IRAG1: variants seen among roughly 807,000 people sequenced by gnomAD.
IRAG1 encodes the protein inositol 1,4,5-triphosphate receptor associated 1, also known as IP3R-associated cGMP kinase substrate.
IRAG1 carries 62 observed loss-of-function variants against 106.2 expected under a neutral mutation model. That is an observed-to-expected ratio of 0.58 (90% confidence interval 0.48 to 0.72). The LOEUF is 0.72. Among genes scored for constraint, IRAG1 ranks in the 30% least tolerant of loss-of-function variants. IRAG1 has a pLI of 0.00. For missense variants in IRAG1, 1,064 were observed against 1,140.7 expected (o/e 0.93, Z 0.97); for synonymous variants, 462 against 443.9 (o/e 1.04, Z -0.51).
intron 1 of IRAG1, among the ~76,000 whole-genome samples, chr11:10,691,633 G>A (rs1353065451): frequency 6.6e-6 from 1 of 152,090 alleles, no homozygotes; most frequent in African/African-American, 2.4e-5. Flanking sequence ...GAGCTTGGAC[G>A]AGTCATTTAA....
At chr11:10,623,991 C>T in intron 9 of IRAG1, 135 bp from the exon 10 acceptor site, 1 of 749,844 alleles carries the variant, frequency 1.3e-6, no homozygotes, top group South Asian at 1.6e-5. Context: ...GGTGGGCAGG[C>T]ATGGCATGGT....
At chr11:10,606,665 G>C (rs1357159964) in intron 12 of IRAG1, 77 bp downstream of exon 12, 6 of 1,427,440 alleles carry the variant, frequency 4.2e-6, no homozygotes, top group Admixed American at 4.4e-5. Flanking sequence ...CAGAGCTAGA[G>C]TCTGGAGGAA....
At chr11:10,631,323 T>A (rs1046846558) in intron 4 of IRAG1, among the ~76,000 whole-genome samples, 7 of 152,174 alleles carry the variant, frequency 4.6e-5, no homozygotes, top group African/African-American at 1.7e-4. Context: ...TTCAGTGTGT[T>A]TCCTATTCCC....
chr11:10,644,740 A>G (rs1166634244), intron 2 of IRAG1, among the ~76,000 whole-genome samples: 1 of 152,156 alleles, frequency 6.6e-6, no homozygotes, highest in African/African-American at 2.4e-5. Context: ...TACATGCTTT[A>G]TCTGGTTCCT....
chr11:10,627,186 T>C (rs1856308729), intron 8 of IRAG1, among the ~76,000 whole-genome samples: 1 of 152,146 alleles, frequency 6.6e-6, no homozygotes, highest in Admixed American at 6.5e-5. Context: ...TCTGTGTGGC[T>C]GCCTCGTGTG....
chr11:10,692,148 T>C (rs1438631687), intron 1 of IRAG1, among the ~76,000 whole-genome samples: 2 of 151,958 alleles, frequency 1.3e-5, no homozygotes, highest in African/African-American at 4.8e-5. Flanking sequence ...AGCATAAAGA[T>C]AGGTGCATCC....
At chr11:10,684,355 G>A (rs976763717) in intron 1 of IRAG1, among the ~76,000 whole-genome samples, 3 of 151,822 alleles carry the variant, frequency 2.0e-5, no homozygotes, top group African/African-American at 7.3e-5. Flanking sequence ...ACTATTGCAA[G>A]GACAAAAAAC....
rs986477758 is a variant in IRAG1 at position 10,657,123 on chromosome 11, C to T, written c.68-4941G>A. ...ATCCCAGAAAGTATAGAGCCATCAT[C>T]GGGACGCACGGTTCAGGAACAGAAT... On this transcript the variant is annotated intron_variant, in intron 1 of 20. Coordinates refer to ENST00000423302, the MANE Select transcript of IRAG1 (RefSeq NM_130385.4). The surrounding 1 kb of genome is among the most constrained non-coding windows in gnomAD (Gnocchi z 4.1). Among the ~76,000 whole-genome samples, 7 of 152,166 alleles carry T rather than the reference C, an allele frequency of 4.6e-5. No homozygotes were observed. The highest frequency in any genetic ancestry group is 1.3e-4 in the Admixed American group (2 of 15,284).
intron 1 of IRAG1, among the ~76,000 whole-genome samples, chr11:10,678,627 G>A (rs945957298): frequency 1.3e-5 from 2 of 152,038 alleles, no homozygotes. Context: ...CTCTCAATTT[G>A]CCTCTCTTTT....
chr11:10,664,937 C>T (rs1564934972), intron 1 of IRAG1, among the ~76,000 whole-genome samples: 1 of 152,186 alleles, frequency 6.6e-6, no homozygotes, highest in Non-Finnish European at 1.5e-5. Context: ...CAAGCCATGC[C>T]TGATATCCCC....
intron 11 of IRAG1, among the ~76,000 whole-genome samples, chr11:10,607,919 C>T (rs1030030701): frequency 2.0e-5 from 3 of 152,178 alleles, no homozygotes; most frequent in Non-Finnish European, 2.9e-5. Flanking sequence ...CAGGCCCTTG[C>T]CTTAACTGTC....
At chr11:10,585,415 C>T (rs1851850760) in intron 18 of IRAG1, among the ~76,000 whole-genome samples, 1 of 151,182 alleles carries the variant, frequency 6.6e-6, no homozygotes, top group Non-Finnish European at 1.5e-5. Context: ...CACAAATGAC[C>T]CAAGAAGGTA....
intron 11 of IRAG1, 111 bp from the exon 12 acceptor site, chr11:10,606,883 T>G (rs1854521404): frequency 9.9e-7 from 1 of 1,010,886 alleles, no homozygotes; most frequent in African/African-American, 1.6e-5. Flanking sequence ...GTAAGCTGTG[T>G]TGGTGAGAAG....
intron 14 of IRAG1, among the ~76,000 whole-genome samples, chr11:10,602,163 T>C (rs1347565876): frequency 6.6e-6 from 1 of 152,110 alleles, no homozygotes; most frequent in African/African-American, 2.4e-5. Context: ...CACTGCTGAG[T>C]CAGATGTCCT....
intron 1 of IRAG1, among the ~76,000 whole-genome samples, chr11:10,669,300 G>A (rs1333071112): frequency 6.6e-6 from 1 of 152,094 alleles, no homozygotes; most frequent in Non-Finnish European, 1.5e-5. Context: ...GTGACCTTGG[G>A]CCAGTCACCC....
At chr11:10,624,848 G>C (rs1327676676) in intron 9 of IRAG1, among the ~76,000 whole-genome samples, 1 of 152,136 alleles carries the variant, frequency 6.6e-6, no homozygotes, top group Non-Finnish European at 1.5e-5. Flanking sequence ...AGGAGTGTAG[G>C]GAGTGAGGAG....
chr11:10,576,173 G>A lies in IRAG1; in HGVS notation c.*159C>T. On this transcript the variant is annotated 3_prime_UTR_variant, in exon 21 of 21. Transcript: ENST00000423302. ...CCAAGAACATCAAGTCACTGTGTATGAATAGCTCCCACAGAAGTGCCGAGT... is the reference window on the plus strand; with the variant it reads ...CCAAGAACATCAAGTCACTGTGTATAAATAGCTCCCACAGAAGTGCCGAGT... The A allele has an allele frequency of 1.1e-6, 1 of 901,548 alleles. No homozygotes were observed. Among genetic ancestry groups the A allele is most frequent in the South Asian group, 1.7e-5 (1 of 58,622 alleles). 55.8% of individuals were successfully genotyped at this position (901,548 alleles called of 1,614,324 possible).
At chr11:10,614,807 C>T (rs1163947903) in intron 10 of IRAG1, among the ~76,000 whole-genome samples, 4 of 152,228 alleles carry the variant, frequency 2.6e-5, no homozygotes, top group Non-Finnish European at 5.9e-5. Flanking sequence ...CAATTAAGGA[C>T]TTCAATGTTA....
intron 19 of IRAG1, among the ~76,000 whole-genome samples, chr11:10,581,647 G>A (rs1156362728): frequency 6.6e-6 from 1 of 151,882 alleles, no homozygotes; most frequent in Non-Finnish European, 1.5e-5. Flanking sequence ...CCTAAAAAGA[G>A]GGCAGTCTTG....
Sources: allele counts gnomAD v4.1 joint callset (sites outside exome capture counted in the v4.1 genomes callset), GRCh38; gene constraint gnomAD v4.1.1; non-coding constraint Gnocchi (gnomAD v3.1); transcripts MANE v1.5; gene names NCBI Gene and HGNC (gene_info 2026-07-23, HGNC 2026-07-21).